The following CPNE8 variants were observed in gnomAD, a reference collection of about 807,000 sequenced individuals.
CPNE8 encodes copine 8, also known as copine-8.
Under a neutral mutation model 81.5 loss-of-function variants are expected in CPNE8, and 45 were observed. The ratio of observed to expected loss-of-function variants is 0.55; its 90% CI spans 0.44 to 0.71. The LOEUF is 0.71. Among genes scored for constraint, CPNE8 ranks in the 30% least tolerant of loss-of-function variants. The pLI is 0.00. For missense variants in CPNE8, 594 were observed against 672.1 expected (o/e 0.88, Z 1.28); for synonymous variants, 252 against 226.3 (o/e 1.11, Z -1.02).
At chr12:38,812,721 C>T (rs536603988) in intron 6 of CPNE8, among the ~76,000 whole-genome samples, 1 of 152,314 alleles carries the variant, frequency 6.6e-6, no homozygotes, top group South Asian at 2.1e-4. Flanking sequence ...TGGATTAACG[C>T]CACTATTAAA....
chr12:38,750,527 T>C (rs1941335145), intron 10 of CPNE8, among the ~76,000 whole-genome samples: 2 of 152,200 alleles, frequency 1.3e-5, no homozygotes, highest in Admixed American at 6.5e-5. Flanking sequence ...CCTCTTATAT[T>C]AGTGTGACCT....
At chr12:38,853,565 G>C (rs188064171) in intron 3 of CPNE8, among the ~76,000 whole-genome samples, 68 of 151,748 alleles carry the variant, frequency 4.5e-4, no homozygotes, top group Admixed American at 8.5e-4. Flanking sequence ...AAAATTTTCA[G>C]TTATTTGAAA....
At chr12:38,830,764 T>C (rs1034485936) in intron 5 of CPNE8, among the ~76,000 whole-genome samples, 4 of 152,144 alleles carry the variant, frequency 2.6e-5, no homozygotes, top group African/African-American at 9.7e-5. Context: ...CAACCTATGG[T>C]GAGGAACTAG....
At chr12:38,798,524 T>G (rs191000781) in intron 6 of CPNE8, among the ~76,000 whole-genome samples, 1,726 of 152,048 alleles carry the variant, frequency 0.011, 13 homozygotes, top group Non-Finnish European at 0.019. Context: ...CCACCAGGCC[T>G]GCCCTAAAAG....
chr12:38,814,271 T>C (rs1416690251), intron 6 of CPNE8, among the ~76,000 whole-genome samples: 3 of 148,530 alleles, frequency 2.0e-5, no homozygotes, highest in Non-Finnish European at 4.5e-5. Context: ...TGTAGTGAGA[T>C]TAAAAAAACT....
intron 10 of CPNE8, among the ~76,000 whole-genome samples, chr12:38,755,902 TAGTGGCGGGCGCCTGTAGTCCC>T (rs1008171078): frequency 2.7e-5 from 4 of 150,822 alleles, no homozygotes; most frequent in Non-Finnish European, 5.9e-5. Context: ...TAGCCGGGCG[TAGTGGCGGGCGCCTGTAGTCCC>T]AGCTACTCGG....
chr12:38,734,790 C>T (rs1465333694), intron 10 of CPNE8, among the ~76,000 whole-genome samples: 1 of 152,036 alleles, frequency 6.6e-6, no homozygotes, highest in South Asian at 2.1e-4. Flanking sequence ...ACTGTAACTC[C>T]AGACACTTAT....
At chr12:38,744,494 C>A (rs1448537491) in intron 10 of CPNE8, among the ~76,000 whole-genome samples, 2 of 152,172 alleles carry the variant, frequency 1.3e-5, no homozygotes, top group Non-Finnish European at 2.9e-5. Context: ...ATATGTTTGT[C>A]AACTACATTT....
At chr12:38,665,648 G>T (rs1939044610) in intron 19 of CPNE8, among the ~76,000 whole-genome samples, 1 of 152,086 alleles carries the variant, frequency 6.6e-6, no homozygotes, top group South Asian at 2.1e-4. Context: ...TGGAAAATAT[G>T]ATTTAAATAT....
At chr12:38,661,876 A>G (rs1423762220) in intron 19 of CPNE8, among the ~76,000 whole-genome samples, 1 of 149,098 alleles carries the variant, frequency 6.7e-6, no homozygotes, top group Non-Finnish European at 1.5e-5. Context: ...AATGTGATAC[A>G]TCATATGAAC....
intron 6 of CPNE8, among the ~76,000 whole-genome samples, chr12:38,784,066 A>G (rs1003291070): frequency 6.6e-6 from 1 of 152,258 alleles, no homozygotes; most frequent in Non-Finnish European, 1.5e-5. Context: ...ATATGTGAGC[A>G]TACAGACAGA....
intron 13 of CPNE8, among the ~76,000 whole-genome samples, chr12:38,714,547 T>C (rs150181984): frequency 6.6e-6 from 1 of 152,014 alleles, no homozygotes; most frequent in Non-Finnish European, 1.5e-5. Context: ...TGAATATTAT[T>C]CTTCTGTCTA....
intron 6 of CPNE8, among the ~76,000 whole-genome samples, chr12:38,806,913 C>CA: frequency 6.6e-6 from 1 of 151,110 alleles, no homozygotes; most frequent in East Asian, 2.0e-4. Context: ...TCTCAGGATA[C>CA]AAAATCAATG....
At position 38,885,218 on chromosome 12, in the gene CPNE8, C is replaced by A. The variant is rs543962448; in HGVS notation, c.99-10707G>T. Among the ~76,000 whole-genome samples, 9 of 152,124 alleles carry A rather than the reference C, an allele frequency of 5.9e-5. No individual in the cohort carries two copies. The East Asian group carries it at 1.7e-3, about 29-fold the overall frequency. ...TAAACTCAAAATGCAACATTTGTTA[C>A]ATATATCATATACAAGAATGTTAAG... On this transcript the variant is annotated intron_variant, in intron 1 of 19. Transcript: ENST00000331366.
At position 38,695,315 on chromosome 12, in the gene CPNE8, A is replaced by G. The variant is rs926447356; in HGVS notation, c.962-1477T>C. Among the ~76,000 whole-genome samples the G allele has an allele frequency of 5.3e-5, 8 of 152,214 alleles. No individual in the cohort carries two copies. The East Asian group carries it at 1.5e-3, about 29-fold the overall frequency. Reference sequence around the variant, plus strand: ...AGCCCTATCTTCCAGTCTCCGTGAGAAGATAGAAGCCTAACTTCAATAAGA... The same window carrying G: ...AGCCCTATCTTCCAGTCTCCGTGAGGAGATAGAAGCCTAACTTCAATAAGA... On this transcript the variant is annotated intron_variant, in intron 14 of 19. Transcript: ENST00000331366.
intron 16 of CPNE8, among the ~76,000 whole-genome samples, chr12:38,678,324 T>A (rs528473788): frequency 6.6e-6 from 1 of 152,068 alleles, no homozygotes; most frequent in African/African-American, 2.4e-5. Flanking sequence ...GGGAATTTTA[T>A]GAATATGTTA....
chr12:38,660,919 C>T (rs1938937964), intron 19 of CPNE8, among the ~76,000 whole-genome samples: 1 of 152,170 alleles, frequency 6.6e-6, no homozygotes, highest in African/African-American at 2.4e-5. Context: ...TACCATCTCA[C>T]ACCAGTTAGA....
At chr12:38,762,940 C>T (rs991154205) in intron 8 of CPNE8, among the ~76,000 whole-genome samples, 1 of 152,156 alleles carries the variant, frequency 6.6e-6, no homozygotes, top group African/African-American at 2.4e-5. Context: ...CTCACTGCAA[C>T]CTCTGCCGCC....
intron 14 of CPNE8, among the ~76,000 whole-genome samples, chr12:38,701,471 A>G (rs534051376): frequency 6.6e-6 from 1 of 151,766 alleles, no homozygotes; most frequent in South Asian, 2.1e-4. Flanking sequence ...TTTAGGTATT[A>G]TTTCTTTTTG....
Sources: allele counts gnomAD v4.1 joint callset (sites outside exome capture counted in the v4.1 genomes callset), GRCh38; gene constraint gnomAD v4.1.1; transcripts MANE v1.5; gene names NCBI Gene and HGNC (gene_info 2026-07-23, HGNC 2026-07-21).